The following SPTBN4 variants were observed in gnomAD, a reference collection of about 807,000 sequenced individuals.
SPTBN4 encodes spectrin beta, non-erythrocytic 4, also known as spectrin beta chain, non-erythrocytic 4.
In SPTBN4, 96 loss-of-function variants were observed where a neutral mutation model predicts 277.8. The ratio of observed to expected loss-of-function variants is 0.35; its 90% CI spans 0.29 to 0.41. The LOEUF (loss-of-function observed/expected upper bound fraction) is 0.41. Among genes scored for constraint, SPTBN4 ranks in the 10% least tolerant of loss-of-function variants. The pLI, the probability that SPTBN4 is intolerant of heterozygous loss-of-function variation, is 1.00. For missense variants in SPTBN4, 3,006 were observed against 3,595.7 expected, an observed-to-expected ratio of 0.84 and a Z score of 4.19; for synonymous variants, 1,481 against 1,580.3, an observed-to-expected ratio of 0.94 and a Z score of 1.49.
chr19:40,472,886 G>A, intron 2 of SPTBN4, 96 bp downstream of exon 2: 4 of 1,263,230 alleles, frequency 3.2e-6, no homozygotes, highest in Non-Finnish European at 3.2e-6. Context: ...AAAGAGACCA[G>A]CACTGTCCAA....
At chr19:40,487,562 T>A in intron 2 of SPTBN4, 135 bp from the exon 3 acceptor site, 1 of 1,127,566 alleles carries the variant, frequency 8.9e-7, no homozygotes, top group Non-Finnish European at 1.2e-6. Context: ...GCCAGGCTGG[T>A]CTCGAACTCC....
At chr19:40,516,270 A>C in intron 15 of SPTBN4, among the ~76,000 whole-genome samples, 1 of 150,066 alleles carries the variant, frequency 6.7e-6, no homozygotes, top group Non-Finnish European at 1.5e-5. Context: ...CCAATATCCC[A>C]ATTTCCATAG....
chr19:40,541,416 A>G (rs899618214), intron 20 of SPTBN4, among the ~76,000 whole-genome samples: 1 of 152,188 alleles, frequency 6.6e-6, no homozygotes, highest in African/African-American at 2.4e-5. Flanking sequence ...TGTGTGGGCC[A>G]GGGCACCCAG....
At position 40,554,704 on chromosome 19, in the gene SPTBN4, G is replaced by C. The variant is rs749823868; in HGVS notation, c.5084+58G>C. ...GTCCAGCAGGACCTGAAGCTTCGCT[G>C]TTGGGAGTTGGCGCAGCGCTGGAAT... On this transcript the variant is annotated intron_variant, in intron 24 of 35. Transcript: ENST00000598249. This position sits in a 1 kb window ranked among gnomAD's most constrained non-coding sequence, Gnocchi z 5.7. 8 of 1,568,860 alleles carry C rather than the reference G, an allele frequency of 5.1e-6. No homozygotes were observed. Among genetic ancestry groups the C allele is most frequent in the African/African-American group, 4.1e-5 (3 of 74,014 alleles).
At chr19:40,528,367 G>A (rs1030805813) in intron 17 of SPTBN4, among the ~76,000 whole-genome samples, 3 of 152,178 alleles carry the variant, frequency 2.0e-5, no homozygotes, top group South Asian at 2.1e-4. Context: ...CAAGGGCCTC[G>A]CTCTGCCTGC....
rs569961468 is a variant in SPTBN4, at chr19:40,506,302, G to A, written c.1732G>A (p.Gly578Arg). The change falls in exon 13 of 36, where the codon GGA becomes AGA. Residue 578 changes from glycine to arginine, a missense_variant. Gly to Arg is a moderately radical substitution (Grantham distance 125, BLOSUM62 -2). Coordinates refer to ENST00000598249, the MANE Select transcript of SPTBN4 (RefSeq NM_020971.3). ...GGCAGACGACCTGTTGCAGAAGCATGGACTGCTGGAGGGAGACATTGCCGC... is the reference window on the plus strand; with the variant it reads ...GGCAGACGACCTGTTGCAGAAGCATAGACTGCTGGAGGGAGACATTGCCGC... Reference protein sequence around the residue: ...VEADDLLQKHGLLEGDIAAQS... With the variant: ...VEADDLLQKHRLLEGDIAAQS... The A allele has an allele frequency of 4.3e-6, 7 of 1,614,032 alleles. No homozygotes were observed. In the Admixed American group the frequency reaches 6.7e-5, roughly 15 times the overall value.
intron 27 of SPTBN4, among the ~76,000 whole-genome samples, chr19:40,562,616 C>T (rs895344396): frequency 6.7e-6 from 1 of 149,490 alleles, no homozygotes; most frequent in Non-Finnish European, 1.5e-5. Context: ...GGGTGGATCA[C>T]TTGAGGTCGG....
intron 6 of SPTBN4, among the ~76,000 whole-genome samples, chr19:40,495,246 C>T (rs1273078618): frequency 6.6e-6 from 1 of 152,186 alleles, no homozygotes; most frequent in East Asian, 1.9e-4. Context: ...TGCATACACA[C>T]ACACAGATAC....
chr19:40,523,707 G>A, intron 17 of SPTBN4, 68 bp downstream of exon 17: 1 of 1,463,306 alleles, frequency 6.8e-7, no homozygotes, highest in Non-Finnish European at 9.2e-7. Context: ...GGGGAGTGGT[G>A]TGGGAGGCCA....
At chr19:40,565,595 C>T in intron 28 of SPTBN4, 34 bp downstream of exon 28, 2 of 1,600,574 alleles carry the variant, frequency 1.2e-6, no homozygotes, top group Non-Finnish European at 1.7e-6. Context: ...CCTCTGCCAC[C>T]CGGGCACATT....
Position 40,504,065 on chromosome 19 carries a change from A to C in SPTBN4, c.1598A>C (p.Gln533Pro). 1 of 1,583,390 alleles carries C rather than the reference A, an allele frequency of 6.3e-7. No individual in the cohort carries two copies. The highest frequency in any genetic ancestry group is 8.6e-7 in the Non-Finnish European group (1 of 1,160,006). Reference protein sequence around the residue: ...LVGARRTRLEQNLALQKVFQE... With the variant: ...LVGARRTRLEPNLALQKVFQE... Reference sequence around the variant, plus strand: ...GGTGCCCGGCGGACACGACTTGAGCAGAACCTTGCCCTGCAGAAGGTCTTC... The same window carrying C: ...GGTGCCCGGCGGACACGACTTGAGCCGAACCTTGCCCTGCAGAAGGTCTTC... Residue 533 changes from glutamine (Q) to proline (P), a missense_variant, in exon 12 of 36, where the codon CAG becomes CCG. Gln to Pro is a moderately conservative substitution (Grantham distance 76). Transcript: ENST00000598249.
At chr19:40,561,639 T>C (rs1447444474) in intron 27 of SPTBN4, among the ~76,000 whole-genome samples, 1 of 151,876 alleles carries the variant, frequency 6.6e-6, no homozygotes, top group Non-Finnish European at 1.5e-5. Context: ...CTAGCCAACA[T>C]GGCAAAACTC....
In SPTBN4 at chr19:40,490,769, G is replaced by T. The variant is rs1239567996; in HGVS notation, c.495+521G>T. 6.6e-6 allele frequency among the ~76,000 whole-genome samples: 1 copy of T among 152,222 alleles called. No homozygotes were observed. The highest frequency in any genetic ancestry group is 2.4e-5 in the African/African-American group (1 of 41,466). On this transcript the variant is annotated intron_variant, in intron 4 of 35. Coordinates refer to ENST00000598249, the MANE Select transcript of SPTBN4 (RefSeq NM_020971.3). This position sits in a 1 kb window ranked among gnomAD's most constrained non-coding sequence, Gnocchi z 4.3. ...TAGTTAGAGAAGTTTAAAAAGCTAT[G>T]CAGGGCCAGGTGAAGTGGCCTGTAA...
Position 40,490,278 on chromosome 19 carries a change from C to G in SPTBN4, c.495+30C>G, listed in dbSNP as rs374588723. The G allele has an allele frequency of 2.6e-5, 42 of 1,602,630 alleles. No individual in the cohort carries two copies. The highest frequency in any genetic ancestry group is 3.3e-4 in the Middle Eastern group (2 of 6,002). ...CCCTCGAGTGGCCCCTGCCAAGCCC[C>G]GCAACATGGGACTTAGGAAAGCGTT... On this transcript the variant is annotated intron_variant, in intron 4 of 35. Coordinates refer to ENST00000598249, the MANE Select transcript of SPTBN4 (RefSeq NM_020971.3). The surrounding 1 kb of genome is among the most constrained non-coding windows in gnomAD (Gnocchi z 4.3).
intron 13 of SPTBN4, among the ~76,000 whole-genome samples, chr19:40,508,285 A>T (rs1320819190): frequency 6.6e-6 from 1 of 152,208 alleles, no homozygotes; most frequent in Non-Finnish European, 1.5e-5. Context: ...TACTTATGTC[A>T]ATGCCCTCCA....
chr19:40,569,935 TCC>T (rs776946799), intron 32 of SPTBN4, among the ~76,000 whole-genome samples: 1 of 48,096 alleles, frequency 2.1e-5, no homozygotes, highest in African/African-American at 1.0e-4. Context: ...CTACTGCCCC[TCC>T]ACACACACAC....
chr19:40,496,799 G>A (rs531440504), intron 6 of SPTBN4, among the ~76,000 whole-genome samples: 4 of 151,794 alleles, frequency 2.6e-5, no homozygotes, highest in South Asian at 4.1e-4. Flanking sequence ...CTGGCCAGAC[G>A]CAGTGGCTCA....
intron 18 of SPTBN4, chr19:40,530,493 C>G (rs2080653230): frequency 6.1e-6 from 6 of 979,436 alleles, no homozygotes; most frequent in Admixed American, 6.3e-5. Flanking sequence ...CCGCCGGAGC[C>G]TCAGCCTTCG....
rs771167100 is a variant in SPTBN4 at position 40,512,794 on chromosome 19, G to T, written c.2005G>T (p.Ala669Ser). 7 of 1,468,068 alleles carry T rather than the reference G, an allele frequency of 4.8e-6. No homozygotes were observed. The South Asian group carries it at 9.4e-5, about 20-fold the overall frequency. 90.9% of individuals were successfully genotyped at this position (1,468,068 alleles called of 1,614,324 possible). The change falls in exon 14 of 36, where the codon GCT (alanine) becomes TCT (serine). Residue 669 changes from alanine to serine, a missense_variant. This residue lies in a region of SPTBN4 where 1,759 missense variants were observed against 2,061.5 expected (regional missense o/e 0.85). Transcript: ENST00000598249. Reference protein sequence around the residue: ...WARDKERLLEAAGGGGAAGAA... With the variant: ...WARDKERLLESAGGGGAAGAA... ...GCGCGACAAGGAGCGTCTCCTGGAG[G>T]CTGCGGGCGGCGGCGGTGCGGCGGG...
Sources: allele counts gnomAD v4.1 joint callset (sites outside exome capture counted in the v4.1 genomes callset), GRCh38; gene constraint gnomAD v4.1.1; regional missense constraint gnomAD v4.1.1; non-coding constraint Gnocchi (gnomAD v3.1); transcripts MANE v1.5; gene names NCBI Gene and HGNC (gene_info 2026-07-23, HGNC 2026-07-21).